Variants in XKR3 observed in about 807,000 individuals in gnomAD.
The protein encoded by XKR3 is XK-related protein 3.
A neutral mutation model predicts 40.3 loss-of-function variants in XKR3; 27 were observed. The observed-to-expected ratio is 0.67, with a 90% CI of 0.49 to 0.92. The LOEUF is 0.92. Ranked by LOEUF, XKR3 falls within the 40% of genes least tolerant of loss-of-function variation. XKR3 has a pLI of 0.00. For synonymous variants in XKR3, 193 were observed against 195.4 expected, an observed-to-expected ratio of 0.99 and a Z score of 0.10; for missense variants, 472 against 537.6, an observed-to-expected ratio of 0.88 and a Z score of 1.21.
chr22:16,819,103 C>G (rs2060245621), intron 1 of XKR3, among the ~76,000 whole-genome samples: 6 of 151,988 alleles, frequency 3.9e-5, no homozygotes, highest in Non-Finnish European at 8.8e-5. Context: ...TGGGCTGGCT[C>G]TGTATGCTGA....
Position 16,783,880 on chromosome 22 carries a change from A to G in XKR3, c.1119T>C (p.Cys373=), listed in dbSNP as rs1208366833. Residue 373 remains cysteine, a synonymous_variant, in exon 4 of 4, where the codon TGT becomes TGC. Transcript: ENST00000684488. ...RFFGGKTLLN[C]CDSLIAVQLI... Reference sequence around the variant, plus strand: ...GCTGCACGGCAATTAATGAGTCACAACAATTCAGCAAAGTTTTCCCTCCAA... The same window carrying G: ...GCTGCACGGCAATTAATGAGTCACAGCAATTCAGCAAAGTTTTCCCTCCAA... 2 of 1,614,092 alleles carry G rather than the reference A, an allele frequency of 1.2e-6. No individual in the cohort carries two copies. Among genetic ancestry groups the G allele is most frequent in the African/African-American group, 1.3e-5 (1 of 74,934 alleles).
chr22:16,806,310 G>A (rs199993289), intron 2 of XKR3, among the ~76,000 whole-genome samples: 1 of 3,140 alleles, frequency 3.2e-4, no homozygotes, highest in African/African-American at 0.013. Context: ...TATTTAGCTC[G>A]TGAAAAACCT....
intron 3 of XKR3, among the ~76,000 whole-genome samples, chr22:16,785,158 A>G (rs796072817): frequency 1.6e-4 from 24 of 152,272 alleles, no homozygotes; most frequent in African/African-American, 5.5e-4. Context: ...TCTACTAAAA[A>G]TACAAAAAAT....
chr22:16,787,124 A>G (rs1372521963), intron 3 of XKR3, among the ~76,000 whole-genome samples: 1 of 152,102 alleles, frequency 6.6e-6, no homozygotes, highest in Non-Finnish European at 1.5e-5. Context: ...TACAGTTGAG[A>G]GTATTGACAG....
chr22:16,806,919 A>AATT, intron 2 of XKR3, among the ~76,000 whole-genome samples: 2 of 152,226 alleles, frequency 1.3e-5, no homozygotes, highest in Non-Finnish European at 2.9e-5. Context: ...AATCTTAAAT[A>AATT]AATATTAATT....
In XKR3 at chr22:16,813,283, C is replaced by CA. The variant is rs199779605; in HGVS notation, c.-10-5201dup. Among the ~76,000 whole-genome samples, 343 of 144,048 alleles carry CA rather than the reference C, an allele frequency of 2.4e-3. 2 individuals are homozygous for CA. Among genetic ancestry groups the CA allele is most frequent in the African/African-American group, 6.4e-3 (242 of 37,548 alleles). 94.5% of individuals were successfully genotyped at this position (144,048 alleles called of 152,430 possible). ...TGGGCGGCAGAGGAAGACTCTGGCT[C>CA]AAAAAAAACAAAAAACAAAAAACAA... On this transcript the variant is annotated intron_variant, in intron 1 of 3. Coordinates refer to ENST00000684488, the MANE Select transcript of XKR3 (RefSeq NM_001386955.1).
intron 3 of XKR3, among the ~76,000 whole-genome samples, chr22:16,792,829 C>T (rs1486539089): frequency 2.0e-5 from 3 of 152,136 alleles, no homozygotes; most frequent in Non-Finnish European, 2.9e-5. Flanking sequence ...TGATTACCTT[C>T]CTTTTACATG....
At chr22:16,800,343 A>T (rs940441321) in intron 2 of XKR3, among the ~76,000 whole-genome samples, 28 of 152,352 alleles carry the variant, frequency 1.8e-4, no homozygotes, top group African/African-American at 6.7e-4. Context: ...CAGTTTGATT[A>T]AATAATATCA....
chr22:16,788,306 G>C (rs1381523262), intron 3 of XKR3, among the ~76,000 whole-genome samples: 36 of 152,188 alleles, frequency 2.4e-4, no homozygotes, highest in Non-Finnish European at 4.9e-4. Flanking sequence ...TAAAGGGAAA[G>C]TTATGGCAAT....
At chr22:16,812,504 G>A (rs143398399) in intron 1 of XKR3, among the ~76,000 whole-genome samples, 1,632 of 152,022 alleles carry the variant, frequency 0.011, 16 homozygotes, top group Admixed American at 0.018. Flanking sequence ...GTGAAACCCC[G>A]TCTGTACTAA....
chr22:16,805,189 G>T (rs907422603), intron 2 of XKR3, among the ~76,000 whole-genome samples: 1 of 152,028 alleles, frequency 6.6e-6, no homozygotes, highest in Non-Finnish European at 1.5e-5. Context: ...AAATCTGGAG[G>T]AATCCACACA....
In XKR3 at chr22:16,785,875, A is replaced by C. The variant is rs2060088294; in HGVS notation, c.590-1466T>G. ...AAAACAAACAAACAAATAAACACTA[A>C]CAAAAAACACTCTTCATACACAATG... is the stretch of plus-strand genomic sequence containing the variant. On this transcript the variant is annotated intron_variant, in intron 3 of 3. Transcript: ENST00000684488. Among the ~76,000 whole-genome samples, 6 of 152,244 alleles carry C rather than the reference A, an allele frequency of 3.9e-5. No individual in the cohort carries two copies. The South Asian group carries it at 1.2e-3, about 32-fold the overall frequency.
At chr22:16,795,830 G>A (rs2060138047) in intron 3 of XKR3, among the ~76,000 whole-genome samples, 1 of 152,052 alleles carries the variant, frequency 6.6e-6, no homozygotes, top group African/African-American at 2.4e-5. Context: ...AACCAGGCAT[G>A]GTGGTACATG....
At chr22:16,809,972 G>A (rs2060206234) in intron 1 of XKR3, among the ~76,000 whole-genome samples, 1 of 152,108 alleles carries the variant, frequency 6.6e-6, no homozygotes, top group Admixed American at 6.5e-5. Context: ...GGCTGGTCTC[G>A]AGCTCCTGGG....
Position 16,783,979 on chromosome 22 carries a change from C to A in XKR3, c.1020G>T (p.Arg340Ser). ...SDDKIIDGRQRWGHRILHYSF... is the reference protein window; with the variant it reads ...SDDKIIDGRQSWGHRILHYSF... ...TGTAGTGTAGGATTCTATGGCCCCA[C>A]CTCTGTCTCCCGTCAATTATTTTGT... Residue 340 changes from arginine to serine, a missense_variant, in exon 4 of 4, where the codon AGG becomes AGT. Arg to Ser is a moderately radical substitution (Grantham distance 110). Transcript: ENST00000684488. 1.2e-6 allele frequency: 2 copies of A among 1,614,228 alleles called. No individual in the cohort carries two copies. The highest frequency in any genetic ancestry group is 1.7e-6 in the Non-Finnish European group (2 of 1,180,046).
intron 3 of XKR3, among the ~76,000 whole-genome samples, chr22:16,787,437 G>A (rs1403468040): frequency 2.0e-4 from 30 of 151,828 alleles, no homozygotes; most frequent in African/African-American, 7.3e-4. Flanking sequence ...GTGGACGCCT[G>A]TAATCCCAGC....
At chr22:16,818,740 T>C (rs1329892087) in intron 1 of XKR3, among the ~76,000 whole-genome samples, 1 of 152,002 alleles carries the variant, frequency 6.6e-6, no homozygotes, top group Non-Finnish European at 1.5e-5. Flanking sequence ...AGCATTCCAA[T>C]TCCAATTCCC....
intron 2 of XKR3, among the ~76,000 whole-genome samples, chr22:16,803,291 C>G (rs1456202004): frequency 2.0e-5 from 3 of 152,064 alleles, no homozygotes; most frequent in Non-Finnish European, 4.4e-5. Context: ...TTATGAACCA[C>G]AGACAAAAAA....
intron 2 of XKR3, among the ~76,000 whole-genome samples, chr22:16,801,263 G>T (rs2060167689): frequency 6.6e-6 from 1 of 152,178 alleles, no homozygotes; most frequent in Non-Finnish European, 1.5e-5. Context: ...AATAAGTGTG[G>T]CCAGGTTCAC....
Sources: gnomAD v4.1 joint callset for allele counts (sites outside exome capture counted in the v4.1 genomes callset) on GRCh38, gnomAD v4.1.1 for gene constraint, MANE v1.5 for transcripts, NCBI Gene and HGNC (gene_info 2026-07-23, HGNC 2026-07-21) for gene names.